Variants in PTGER3 observed in about 807,000 individuals in gnomAD.
PTGER3 encodes prostaglandin E2 receptor EP3 subtype.
PTGER3 carries 22 observed loss-of-function variants against 34.7 expected under a neutral mutation model. The ratio of observed to expected loss-of-function variants is 0.63; its 90% CI spans 0.45 to 0.91. The LOEUF (loss-of-function observed/expected upper bound fraction) is 0.91, where lower values mean the gene tolerates loss of function less well. Among genes scored for constraint, PTGER3 ranks in the 40% least tolerant of loss-of-function variants. The pLI is 0.00. For synonymous variants in PTGER3, 241 were observed against 230.1 expected (o/e 1.05, Z -0.43); for missense variants, 468 against 519.4 (o/e 0.90, Z 0.96).
At chr1:70,872,677 T>C (rs759230845) in intron 4 of PTGER3, among the ~76,000 whole-genome samples, 1 of 152,184 alleles carries the variant, frequency 6.6e-6, no homozygotes, top group Non-Finnish European at 1.5e-5. Flanking sequence ...CAAACTCCAA[T>C]GTATATGAAA....
At chr1:70,891,067 C>A (rs760827339) in intron 4 of PTGER3, among the ~76,000 whole-genome samples, 56 of 152,136 alleles carry the variant, frequency 3.7e-4, no homozygotes, top group Admixed American at 1.1e-3. Flanking sequence ...CTGGGTTTTC[C>A]TAAATCACTC....
intron 3 of PTGER3, chr1:70,953,759 T>G (rs1651014051): frequency 6.6e-7 from 1 of 1,512,604 alleles, no homozygotes; most frequent in African/African-American, 1.4e-5. Context: ...TCTTTGCAAC[T>G]TACTTGCTCT....
intron 4 of PTGER3, chr1:70,862,181 C>G: frequency 4.4e-6 from 2 of 454,170 alleles, no homozygotes; most frequent in South Asian, 3.2e-5. Context: ...AAATTAGCAC[C>G]TCTTTTTTTC....
chr1:70,952,457 A>G, exon 4 of PTGER3: 1 of 985,882 alleles, frequency 1.0e-6, no homozygotes, highest in Non-Finnish European at 1.2e-6. Flanking sequence ...ATGTGTTTTA[A>G]TAACCTGAAC....
intron 2 of PTGER3, among the ~76,000 whole-genome samples, chr1:70,984,325 T>C (rs1046151886): frequency 2.6e-5 from 4 of 151,594 alleles, no homozygotes; most frequent in South Asian, 4.2e-4. Flanking sequence ...AGATGGAGAT[T>C]GCAGTGAGCC....
At chr1:70,951,868 A>C (rs1650790593), downstream of PTGER3, among the ~76,000 whole-genome samples, 7 of 152,352 alleles carry the variant, frequency 4.6e-5, no homozygotes, top group South Asian at 1.4e-3. Context: ...AGGCACCATG[A>C]AGGAAACAAA....
downstream of PTGER3, chr1:70,950,724 A>T (rs891555535): frequency 6.6e-6 from 1 of 151,628 alleles, no homozygotes; most frequent in Non-Finnish European, 1.5e-5. Context: ...TTTTTATTTT[A>T]TTTTTTTTAG....
chr1:70,852,836 G>C lies in PTGER3; in HGVS notation c.*47C>G, dbSNP rs778423556. 8 of 1,613,454 alleles carry C rather than the reference G, an allele frequency of 5.0e-6. No individual in the cohort carries two copies. The Admixed American group carries it at 1.2e-4, about 24-fold the overall frequency. On this transcript the variant is annotated 3_prime_UTR_variant, in exon 5 of 5. Coordinates refer to the PTGER3 transcript ENST00000370931. ...TGATGTGATCCTGGCAGAAAGGCAG[G>C]TTTTAATTTCCCCAAAATTCCTCCT...
At chr1:71,014,902 T>A (rs1489029863) in intron 1 of PTGER3, among the ~76,000 whole-genome samples, 1 of 152,084 alleles carries the variant, frequency 6.6e-6, no homozygotes, top group East Asian at 1.9e-4. Flanking sequence ...AACTAGAAAA[T>A]CATCAATGTC....
chr1:70,982,764 T>G (rs1240433722), intron 2 of PTGER3, among the ~76,000 whole-genome samples: 1 of 152,120 alleles, frequency 6.6e-6, no homozygotes, highest in African/African-American at 2.4e-5. Flanking sequence ...TAGTTATCTC[T>G]GCTTTTTAAA....
rs1363476158 is a variant in PTGER3, at chr1:71,047,097, C to T, written c.481G>A (p.Ala161Thr). The T allele has an allele frequency of 6.2e-7, 1 of 1,607,800 alleles. No homozygotes were observed. The highest frequency in any genetic ancestry group is 1.3e-5 in the African/African-American group (1 of 74,804). The change falls in exon 1 of 4, where the codon GCG becomes ACG. Residue 161 changes from alanine to threonine, a missense_variant. Physicochemically the swap from Ala to Thr is moderately conservative, Grantham distance 58. Around this residue, in one of 5 missense-constraint regions of PTGER3, gnomAD observed 53 missense variants for 93.9 expected, o/e 0.56. Coordinates refer to ENST00000306666, the MANE Select transcript of PTGER3 (RefSeq NM_198719.2). ...ATGTGGCTCGCATACCAGTGCGGCG[C>T]CCTGATGGCCAGCGCCCGCTCGACG... ...MAVERALAIRAPHWYASHMKT... is the reference protein window; with the variant it reads ...MAVERALAIRTPHWYASHMKT...
At chr1:71,033,884 T>G (rs1659604960) in intron 1 of PTGER3, among the ~76,000 whole-genome samples, 1 of 152,198 alleles carries the variant, frequency 6.6e-6, no homozygotes, top group Non-Finnish European at 1.5e-5. Context: ...GGTAATTTTT[T>G]GTTATTTTTC....
chr1:70,860,735 C>T (rs1224909173), intron 4 of PTGER3, among the ~76,000 whole-genome samples: 1 of 152,048 alleles, frequency 6.6e-6, no homozygotes, highest in Non-Finnish European at 1.5e-5. Flanking sequence ...TATTGTACAT[C>T]ATAAAGTTTT....
intron 4 of PTGER3, among the ~76,000 whole-genome samples, chr1:70,939,826 A>T (rs1006207891): frequency 6.6e-6 from 1 of 152,100 alleles, no homozygotes; most frequent in South Asian, 2.1e-4. Context: ...TGGGCCTGTG[A>T]TAGGAGGGGC....
intron 2 of PTGER3, among the ~76,000 whole-genome samples, chr1:70,990,694 G>C (rs1655394247): frequency 6.6e-6 from 1 of 151,856 alleles, no homozygotes; most frequent in African/African-American, 2.4e-5. Context: ...CTCAGGCTGT[G>C]CTTGAATTTC....
chr1:71,036,674 A>G (rs1459966053), intron 1 of PTGER3, among the ~76,000 whole-genome samples: 1 of 152,124 alleles, frequency 6.6e-6, no homozygotes, highest in Non-Finnish European at 1.5e-5. Context: ...CCCCGTCTCT[A>G]CCAAAAATAC....
In PTGER3 at chr1:70,928,323, A is replaced by T. The variant is rs57573431; in HGVS notation, c.*23+25440T>A. Among the ~76,000 whole-genome samples, 646 of 151,308 alleles carry T rather than the reference A, an allele frequency of 4.3e-3. 3 individuals carry two copies. The highest frequency in any genetic ancestry group is 0.014 in the African/African-American group (592 of 41,212). ...AATACCTTTGATTACAAAAAAAAAA[A>T]GTGGGTTAGGGGGAAGAAATGAAGA... On this transcript the variant is annotated intron_variant, in intron 4 of 4. Transcript: ENST00000370931.
chr1:71,033,225 C>T (rs1659556091), intron 1 of PTGER3, among the ~76,000 whole-genome samples: 1 of 152,128 alleles, frequency 6.6e-6, no homozygotes, highest in South Asian at 2.1e-4. Context: ...TTGTCAGAGT[C>T]ATAGGACAGG....
chr1:70,992,317 ACT>A (rs1276674913), intron 2 of PTGER3, among the ~76,000 whole-genome samples: 1 of 152,130 alleles, frequency 6.6e-6, no homozygotes, highest in Non-Finnish European at 1.5e-5. Context: ...AGCCACTTAA[ACT>A]CTCTCAGTTG....
Sources: gnomAD v4.1 joint callset for allele counts (sites outside exome capture counted in the v4.1 genomes callset) on GRCh38, gnomAD v4.1.1 for gene constraint, gnomAD v4.1.1 regional missense constraint, MANE v1.5 for transcripts, NCBI Gene and HGNC (gene_info 2026-07-23, HGNC 2026-07-21) for gene names.